The following TNNI3K variants were observed in gnomAD, a reference collection of about 807,000 sequenced individuals.
TNNI3K encodes the protein serine/threonine-protein kinase TNNI3K.
TNNI3K carries 140 observed loss-of-function variants against 114.5 expected under a neutral mutation model. That is an observed-to-expected ratio of 1.22 (90% CI 1.07 to 1.41). The LOEUF (loss-of-function observed/expected upper bound fraction) is 1.41, where lower values mean the gene tolerates loss of function less well. Among genes scored for constraint, TNNI3K ranks in the 40% most tolerant of loss-of-function variants. The pLI, the probability that TNNI3K is intolerant of heterozygous loss-of-function variation, is 0.00. For missense variants in TNNI3K, 1,125 were observed against 1,007.6 expected, an observed-to-expected ratio of 1.12 and a Z score of -1.58; for synonymous variants, 347 against 347.5, an observed-to-expected ratio of 1.00 and a Z score of 0.02.
rs553818880 is a variant in TNNI3K, at chr1:74,364,276, G to T, written c.1178-2980G>T. ...CACCTCAGCCCCACAAAACACTGGG[G>T]TATGAGTCAAGACACTCAGCCAAAT... On this transcript the variant is annotated intron_variant, in intron 11 of 24. Coordinates refer to ENST00000326637, the MANE Select transcript of TNNI3K (RefSeq NM_015978.3). Among the ~76,000 whole-genome samples, 10 of 151,894 alleles carry T rather than the reference G, an allele frequency of 6.6e-5. No homozygotes were observed. In the South Asian group the frequency reaches 2.1e-3, roughly 32 times the overall value.
At position 74,439,630 on chromosome 1, in the gene TNNI3K, A is replaced by T. The variant is rs1666289247; in HGVS notation, c.2011+8A>T. ...TCGCTCATCTCAAGCCAGGTAAGACACACTGCAATTGAAGTTTTCCTGTTT... is the reference window on the plus strand; with the variant it reads ...TCGCTCATCTCAAGCCAGGTAAGACTCACTGCAATTGAAGTTTTCCTGTTT... On this transcript the variant is annotated splice_region_variant and intron_variant, in intron 20 of 24. Transcript: ENST00000326637. The T allele has an allele frequency of 1.9e-6, 3 of 1,612,104 alleles. No individual in the cohort carries two copies. Among genetic ancestry groups the T allele is most frequent in the Non-Finnish European group, 2.5e-6 (3 of 1,179,176 alleles).
intron 20 of TNNI3K, among the ~76,000 whole-genome samples, chr1:74,443,581 C>A (rs1666482885): frequency 6.6e-6 from 1 of 152,136 alleles, no homozygotes; most frequent in African/African-American, 2.4e-5. Flanking sequence ...ACCTGAGGTA[C>A]AAAGAGGAGC....
At chr1:74,331,799 T>G (rs1660219556) in intron 6 of TNNI3K, among the ~76,000 whole-genome samples, 1 of 152,192 alleles carries the variant, frequency 6.6e-6, no homozygotes, top group South Asian at 2.1e-4. Flanking sequence ...GCCTCAGGAA[T>G]CAGTCAGCCT....
intron 21 of TNNI3K, chr1:74,464,506 T>C: frequency 2.1e-6 from 3 of 1,414,898 alleles, no homozygotes; most frequent in South Asian, 1.6e-5. Flanking sequence ...CCTAGGCACT[T>C]TATAGCTCTT....
intron 21 of TNNI3K, among the ~76,000 whole-genome samples, 197 bp downstream of exon 21, chr1:74,463,747 T>A (rs1465646445): frequency 2.0e-5 from 3 of 152,224 alleles, no homozygotes; most frequent in Non-Finnish European, 4.4e-5. Context: ...CTTTCTGATT[T>A]TGAAACGTTT....
chr1:74,475,830 C>A, intron 21 of TNNI3K: 1 of 547,638 alleles, frequency 1.8e-6, no homozygotes, highest in Non-Finnish European at 3.3e-6. Flanking sequence ...ATAGAGAGAC[C>A]ATTAAAAGAT....
chr1:74,341,644 T>G (rs1023906520), intron 7 of TNNI3K: 13 of 152,082 alleles, frequency 8.5e-5, no homozygotes, highest in Non-Finnish European at 1.8e-4. Context: ...AAGGATATTA[T>G]GTAGCACACA....
At chr1:74,538,620 G>A (rs912311642) in intron 23 of TNNI3K, among the ~76,000 whole-genome samples, 1 of 152,160 alleles carries the variant, frequency 6.6e-6, no homozygotes. Flanking sequence ...CATGGGCAGA[G>A]GAATAGTCAC....
chr1:74,381,873 C>T (rs1663220498), intron 17 of TNNI3K, among the ~76,000 whole-genome samples: 1 of 152,214 alleles, frequency 6.6e-6, no homozygotes, highest in Non-Finnish European at 1.5e-5. Context: ...GACATTCAAC[C>T]ATTATTTATT....
intron 21 of TNNI3K, chr1:74,471,718 G>A: frequency 2.5e-6 from 1 of 402,686 alleles, no homozygotes; most frequent in South Asian, 1.2e-4. Flanking sequence ...AACCCTCTTT[G>A]GGGAATATGC....
chr1:74,493,243 C>T (rs1160139075), intron 23 of TNNI3K, among the ~76,000 whole-genome samples: 2 of 152,084 alleles, frequency 1.3e-5, no homozygotes, highest in Admixed American at 6.5e-5. Context: ...TTAATTGTCT[C>T]CCAGTTTTAT....
intron 5 of TNNI3K, among the ~76,000 whole-genome samples, chr1:74,315,979 A>G (rs1364116177): frequency 6.6e-6 from 1 of 152,218 alleles, no homozygotes; most frequent in African/African-American, 2.4e-5. Flanking sequence ...GCTTTATGCC[A>G]TCTAGGAATT....
chr1:74,400,550 A>G (rs547069831), intron 17 of TNNI3K, among the ~76,000 whole-genome samples: 1 of 152,318 alleles, frequency 6.6e-6, no homozygotes, highest in African/African-American at 2.4e-5. Context: ...TGTTGGCTCT[A>G]TACTAGGACA....
intron 9 of TNNI3K, among the ~76,000 whole-genome samples, chr1:74,345,182 A>G (rs535406616): frequency 3.3e-5 from 5 of 152,192 alleles, no homozygotes; most frequent in Non-Finnish European, 7.4e-5. Context: ...ACTGTTATGG[A>G]TCGTATTTAT....
At chr1:74,501,462 T>A (rs976747462) in intron 23 of TNNI3K, among the ~76,000 whole-genome samples, 1 of 146,146 alleles carries the variant, frequency 6.8e-6, no homozygotes, top group Non-Finnish European at 1.5e-5. Context: ...CTTGGAGGGT[T>A]TTTTTTGTTT....
At chr1:74,471,553 T>C (rs960135382) in intron 21 of TNNI3K, 2 of 400,542 alleles carry the variant, frequency 5.0e-6, no homozygotes, top group Non-Finnish European at 8.8e-6. Flanking sequence ...AGTAAACCAT[T>C]TTTCTCCTTT....
chr1:74,468,701 C>T (rs1418525434), intron 21 of TNNI3K, among the ~76,000 whole-genome samples: 2 of 151,968 alleles, frequency 1.3e-5, no homozygotes, highest in Non-Finnish European at 2.9e-5. Flanking sequence ...TATTATTATT[C>T]TACCAAATGC....
chr1:74,420,922 G>C (rs1221778858), intron 17 of TNNI3K, among the ~76,000 whole-genome samples: 1 of 152,074 alleles, frequency 6.6e-6, no homozygotes. Flanking sequence ...ACCCATTTAT[G>C]CTAGAGGTTG....
intron 7 of TNNI3K, among the ~76,000 whole-genome samples, chr1:74,340,303 A>AT (rs1168160428): frequency 6.6e-6 from 1 of 152,114 alleles, no homozygotes; most frequent in African/African-American, 2.4e-5. Context: ...ATTTACATGT[A>AT]TTTTTTGTTT....
Sources: gnomAD v4.1 joint callset for allele counts (sites outside exome capture counted in the v4.1 genomes callset) on GRCh38, gnomAD v4.1.1 for gene constraint, MANE v1.5 for transcripts, NCBI Gene and HGNC (gene_info 2026-07-23, HGNC 2026-07-21) for gene names.